MEI4: variants seen among roughly 807,000 people sequenced by gnomAD.
MEI4 encodes the protein meiotic double-stranded break formation protein 4, also known as meiosis-specific protein MEI4.
Under a neutral mutation model 31.4 loss-of-function variants are expected in MEI4, and 27 were observed. That is an observed-to-expected ratio of 0.86 (90% CI 0.63 to 1.19). MEI4 has a LOEUF of 1.19. Ranked by LOEUF, MEI4 falls within the 50% of genes most tolerant of loss-of-function variation. MEI4 has a pLI of 0.00. For missense variants in MEI4, 329 were observed against 398.9 expected, an observed-to-expected ratio of 0.82 and a Z score of 1.49; for synonymous variants, 122 against 145.4, an observed-to-expected ratio of 0.84 and a Z score of 1.16.
chr6:77,705,493 A>G (rs1766312222), intron 2 of MEI4, among the ~76,000 whole-genome samples: 1 of 152,250 alleles, frequency 6.6e-6, no homozygotes, highest in South Asian at 2.1e-4. Flanking sequence ...AGTCACACTG[A>G]AAGCTAAAAT....
At position 77,829,022 on chromosome 6, in the gene MEI4, A is replaced by C. The variant is rs1420564198; in HGVS notation, c.860A>C (p.Glu287Ala). 2 of 1,231,896 alleles carry C rather than the reference A, an allele frequency of 1.6e-6. No individual in the cohort carries two copies. The highest frequency in any genetic ancestry group is 3.1e-5 in the African/African-American group (2 of 64,394). The allele number at this position is 1,231,896 out of a possible 1,614,324, so 76.3% of individuals were successfully genotyped here. A position where few individuals can be genotyped will look rare whatever the true frequency, so the allele number is the denominator to read the frequency against. Residue 287 changes from glutamate to alanine, a missense_variant, in exon 4 of 5, where the codon GAA becomes GCA. Transcript: ENST00000684080. ...TCTATTATATCTCTGCTTCTATCAG[A>C]AGTAAATGGCTTTGCTGATGATCTG... ...RKSIISLLLS[E>A]VNGFADDLGA... is the part of the protein sequence containing the mutation.
At chr6:77,711,572 G>T (rs908641256) in intron 2 of MEI4, among the ~76,000 whole-genome samples, 2 of 152,120 alleles carry the variant, frequency 1.3e-5, no homozygotes, top group Non-Finnish European at 2.9e-5. Flanking sequence ...AGGGTGTAGT[G>T]GTTCTGTGGG....
In MEI4 at chr6:77,767,078, TGTA is replaced by T. The variant is rs1768194586; in HGVS notation, c.768+5414_768+5416del. 6.6e-5 allele frequency among the ~76,000 whole-genome samples: 10 copies of T among 152,200 alleles called. No homozygotes were observed. The South Asian group carries it at 2.1e-3, about 32-fold the overall frequency. The stretch of plus-strand genomic sequence containing the variant: ...GGGTCATTTCATCCTTGCTTATAGC[TGTA>T]TTAAACAAACAAACAAACGGCTGGG... On this transcript the variant is annotated intron_variant, in intron 3 of 4. Coordinates refer to ENST00000684080, the MANE Select transcript of MEI4 (RefSeq NM_001322247.2).
At position 77,880,481 on chromosome 6, in the gene MEI4, T is replaced by C. The variant is rs538647110; in HGVS notation, c.901-42608T>C. 1.4e-3 allele frequency among the ~76,000 whole-genome samples: 212 copies of C among 152,334 alleles called. 1 individual carries two copies. Among genetic ancestry groups the C allele is most frequent in the African/African-American group, 4.5e-3 (186 of 41,582 alleles). ...TCACTGATACCACTTTGTATTTATGTCATTTTGTATAAAGAATATGTTATT... is the reference window on the plus strand; with the variant it reads ...TCACTGATACCACTTTGTATTTATGCCATTTTGTATAAAGAATATGTTATT... On this transcript the variant is annotated intron_variant, in intron 4 of 4. Coordinates refer to ENST00000684080, the MANE Select transcript of MEI4 (RefSeq NM_001322247.2).
chr6:77,699,901 T>C (rs1386713941), intron 2 of MEI4, among the ~76,000 whole-genome samples: 1 of 152,094 alleles, frequency 6.6e-6, no homozygotes, highest in Non-Finnish European at 1.5e-5. Flanking sequence ...GCGGTGGCTG[T>C]AGAACAGCGG....
chr6:77,682,580 T>G (rs1311313891), intron 1 of MEI4, among the ~76,000 whole-genome samples: 5 of 152,172 alleles, frequency 3.3e-5, no homozygotes, highest in South Asian at 2.1e-4. Context: ...CCAAGGCTAT[T>G]TTCCTAGTAT....
At chr6:77,781,642 A>G (rs995684607) in intron 3 of MEI4, among the ~76,000 whole-genome samples, 1 of 152,126 alleles carries the variant, frequency 6.6e-6, no homozygotes, top group African/African-American at 2.4e-5. Context: ...ATGTTTTGCA[A>G]TTATTTCATT....
chr6:77,710,665 G>C lies in MEI4; in HGVS notation c.232+19762G>C, dbSNP rs1766443638. On this transcript the variant is annotated intron_variant, in intron 2 of 4. Transcript: ENST00000684080. ...CCTCTTTTGTATTGGTAGACTTAAG[G>C]CTAGAGTTCTAGGCAGTGACTCTCA... is the stretch of plus-strand genomic sequence containing the variant. Among the ~76,000 whole-genome samples, 3 of 151,966 alleles carry C rather than the reference G, an allele frequency of 2.0e-5. No individual in the cohort carries two copies. The South Asian group carries it at 6.2e-4, about 32-fold the overall frequency.
chr6:77,697,232 A>G (rs1030320987), intron 2 of MEI4, among the ~76,000 whole-genome samples: 7 of 151,964 alleles, frequency 4.6e-5, no homozygotes, highest in African/African-American at 1.7e-4. Context: ...TGGATTCACT[A>G]ATTTTTTGAA....
chr6:77,661,750 A>G (rs1187357880), intron 1 of MEI4, among the ~76,000 whole-genome samples: 3 of 151,916 alleles, frequency 2.0e-5, no homozygotes, highest in Non-Finnish European at 4.4e-5. Context: ...CTGGAAGGAG[A>G]TATTTTCCTT....
chr6:77,681,851 ACT>A (rs980342243), intron 1 of MEI4, among the ~76,000 whole-genome samples: 1 of 152,154 alleles, frequency 6.6e-6, no homozygotes, highest in African/African-American at 2.4e-5. Context: ...TCACGCACAG[ACT>A]CTCTGCTGGA....
At chr6:77,732,107 G>T (rs1767016901) in intron 2 of MEI4, among the ~76,000 whole-genome samples, 1 of 151,220 alleles carries the variant, frequency 6.6e-6, no homozygotes, top group Non-Finnish European at 1.5e-5. Flanking sequence ...ACTTGGCGAT[G>T]CGGGCTCTTT....
intron 1 of MEI4, among the ~76,000 whole-genome samples, chr6:77,678,673 T>A (rs1390233964): frequency 1.3e-5 from 2 of 152,102 alleles, no homozygotes; most frequent in African/African-American, 4.8e-5. Flanking sequence ...TGATTATGTA[T>A]TTACTATATG....
At chr6:77,888,345 TTCTC>T (rs1392206641) in intron 4 of MEI4, among the ~76,000 whole-genome samples, 11 of 151,780 alleles carry the variant, frequency 7.2e-5, no homozygotes, top group Non-Finnish European at 1.5e-4. Context: ...TTTTTTTTTT[TTCTC>T]TCTTACTGTT....
intron 2 of MEI4, among the ~76,000 whole-genome samples, chr6:77,752,199 A>T (rs1582103225): frequency 6.6e-6 from 1 of 152,212 alleles, no homozygotes; most frequent in Non-Finnish European, 1.5e-5. Context: ...TTCCCTTTGA[A>T]AATCCACACA....
intron 4 of MEI4, among the ~76,000 whole-genome samples, chr6:77,920,728 C>A (rs112787951): frequency 1.1e-4 from 16 of 151,808 alleles, no homozygotes; most frequent in African/African-American, 3.1e-4. Context: ...CCATGGGCTG[C>A]AAAATAGATG....
chr6:77,734,732 A>T (rs1333885061), intron 2 of MEI4, among the ~76,000 whole-genome samples: 1 of 151,648 alleles, frequency 6.6e-6, no homozygotes, highest in Non-Finnish European at 1.5e-5. Context: ...CCTAGTCTCG[A>T]TGGTCTTTAC....
rs188829478 is a variant in MEI4, at chr6:77,674,303, C to T, written c.-14-16355C>T. Among the ~76,000 whole-genome samples, 67 of 151,976 alleles carry T rather than the reference C, an allele frequency of 4.4e-4. No individual in the cohort carries two copies. In the East Asian group the frequency reaches 0.011, roughly 24 times the overall value. ...TTTAAATATGTGTATTATAAAAAAG[C>T]GCAACAAAATGCAGTCATGTACCAC... On this transcript the variant is annotated intron_variant, in intron 1 of 4. Coordinates refer to ENST00000684080, the MANE Select transcript of MEI4 (RefSeq NM_001322247.2).
At chr6:77,799,708 A>T (rs1294697630) in intron 3 of MEI4, among the ~76,000 whole-genome samples, 2 of 152,174 alleles carry the variant, frequency 1.3e-5, no homozygotes, top group Admixed American at 6.5e-5. Context: ...AGCTATCTAC[A>T]TATGGCTAGC....
Sources: gnomAD v4.1 joint callset for allele counts (sites outside exome capture counted in the v4.1 genomes callset) on GRCh38, gnomAD v4.1.1 for gene constraint, MANE v1.5 for transcripts, NCBI Gene and HGNC (gene_info 2026-07-23, HGNC 2026-07-21) for gene names.